MTUS1: variants seen among roughly 807,000 people sequenced by gnomAD.
The protein encoded by MTUS1 is microtubule-associated tumor suppressor 1.
MTUS1 carries 109 observed loss-of-function variants against 120.8 expected under a neutral mutation model. That is an observed-to-expected ratio of 0.90 (90% CI 0.77 to 1.06). The LOEUF (loss-of-function observed/expected upper bound fraction) is 1.06, where lower values mean the gene tolerates loss of function less well. MTUS1 is among the 50% of genes least tolerant of loss of function. The pLI, the probability that MTUS1 is intolerant of heterozygous loss-of-function variation, is 0.00. For missense variants in MTUS1, 2,210 were observed against 1,486.3 expected, an observed-to-expected ratio of 1.49 and a Z score of -8.01; for synonymous variants, 737 against 550.5, an observed-to-expected ratio of 1.34 and a Z score of -4.74.
intron 7 of MTUS1, among the ~76,000 whole-genome samples, chr8:17,679,283 AAAAC>A (rs1323937951): frequency 6.6e-6 from 1 of 152,072 alleles, no homozygotes; most frequent in African/African-American, 2.4e-5. Context: ...ATGTATATAA[AAAAC>A]ATACATAATG....
chr8:17,767,313 G>A (rs1051648385), intron 1 of MTUS1, among the ~76,000 whole-genome samples: 2 of 151,796 alleles, frequency 1.3e-5, no homozygotes, highest in Non-Finnish European at 2.9e-5. Flanking sequence ...TGATGATAAG[G>A]AATTTGGGGC....
At chr8:17,724,761 C>G (rs1200845294) in intron 3 of MTUS1, among the ~76,000 whole-genome samples, 1 of 152,192 alleles carries the variant, frequency 6.6e-6, no homozygotes, top group African/African-American at 2.4e-5. Context: ...AGTCTATTTT[C>G]TCTACTTTCC....
intron 7 of MTUS1, among the ~76,000 whole-genome samples, chr8:17,683,848 C>G (rs1203811069): frequency 6.6e-6 from 1 of 152,182 alleles, no homozygotes; most frequent in African/African-American, 2.4e-5. Context: ...TGTTGCACCA[C>G]AGAGATTGTT....
chr8:17,713,092 T>G, intron 6 of MTUS1, 122 bp downstream of exon 6: 1 of 813,460 alleles, frequency 1.2e-6, no homozygotes, highest in Non-Finnish European at 2.1e-6. Flanking sequence ...AAAGTTAGGT[T>G]TACACCTCAA....
rs1233433592 is a variant in MTUS1 at position 17,695,377 on chromosome 8, G to A, written c.2624-10835C>T. The stretch of plus-strand genomic sequence containing the variant: ...GTCCTATCTCTGGCACTTACTGTGT[G>A]CCTCTGGGCAAGCGAATTCACTTCT... On this transcript the variant is annotated intron_variant, in intron 6 of 14. Coordinates refer to ENST00000693296, the MANE Select transcript of MTUS1 (RefSeq NM_001363059.2). Among the ~76,000 whole-genome samples the A allele has an allele frequency of 2.0e-5, 3 of 152,214 alleles. No homozygotes were observed. The East Asian group carries it at 5.8e-4, about 29-fold the overall frequency.
At chr8:17,712,046 A>G (rs1585877281) in intron 6 of MTUS1, among the ~76,000 whole-genome samples, 2 of 152,166 alleles carry the variant, frequency 1.3e-5, no homozygotes, top group Admixed American at 6.5e-5. Context: ...GATCACCGTA[A>G]AAGATATAAT....
In MTUS1 at chr8:17,684,341, T is replaced by C. The variant is rs761481009; in HGVS notation, c.2825A>G (p.His942Arg). 3 of 1,613,784 alleles carry C rather than the reference T, an allele frequency of 1.9e-6. No individual in the cohort carries two copies. Among genetic ancestry groups the C allele is most frequent in the East Asian group, 4.5e-5 (2 of 44,882 alleles). ...GCACCTCCTTACCTCAGACAGCAGG[T>C]GCTGAATCACAACTGTCAATGCCTC... ...KFEALTVVIQ[H>R]LLSEREEALK... The change falls in exon 7 of 15, where the codon CAC becomes CGC. Residue 942 changes from histidine (H) to arginine (R), a missense_variant. His to Arg is a conservative substitution (Grantham distance 29). Transcript: ENST00000693296.
intron 1 of MTUS1, among the ~76,000 whole-genome samples, chr8:17,758,372 A>G (rs1442301757): frequency 1.3e-5 from 2 of 151,794 alleles, no homozygotes; most frequent in African/African-American, 4.8e-5. Flanking sequence ...ACATCCAAAA[A>G]GCGATTTTGA....
chr8:17,702,385 G>GT (rs1166488816), intron 6 of MTUS1, among the ~76,000 whole-genome samples: 6 of 151,668 alleles, frequency 4.0e-5, no homozygotes, highest in African/African-American at 1.2e-4. Flanking sequence ...TTTTTGTTTA[G>GT]TTTTTTTAAT....
rs748358746 is a variant in MTUS1 at position 17,754,919 on chromosome 8, C to A, written c.889G>T (p.Asp297Tyr). 3.1e-6 allele frequency: 5 copies of A among 1,614,040 alleles called. No homozygotes were observed. Among genetic ancestry groups the A allele is most frequent in the Non-Finnish European group, 4.2e-6 (5 of 1,180,004 alleles). Residue 297 changes from aspartate to tyrosine, a missense_variant, in exon 2 of 15, where the codon GAT becomes TAT. Asp to Tyr is a radical substitution (Grantham distance 160, BLOSUM62 -3). Transcript: ENST00000693296. ...GAATCATTGGGGACTTCCATGCCAT[C>A]AGAAACTGGTGTTAGTGCTTGTGTC... is the stretch of plus-strand genomic sequence containing the variant. ...KETQALTPVS[D>Y]GMEVPNDSAL...
intron 4 of MTUS1, among the ~76,000 whole-genome samples, chr8:17,718,915 A>G (rs973000138): frequency 1.3e-5 from 2 of 151,924 alleles, no homozygotes; most frequent in East Asian, 3.9e-4. Context: ...CACAACTGTA[A>G]TCACAGAACT....
At chr8:17,781,353 T>A (rs2050862293) in intron 1 of MTUS1, among the ~76,000 whole-genome samples, 1 of 152,228 alleles carries the variant, frequency 6.6e-6, no homozygotes. Context: ...GAATGTTAAA[T>A]AATCCTCCCC....
At chr8:17,717,023 G>C (rs1000583588) in intron 4 of MTUS1, among the ~76,000 whole-genome samples, 3 of 152,180 alleles carry the variant, frequency 2.0e-5, no homozygotes, top group Non-Finnish European at 2.9e-5. Flanking sequence ...TAAATGTGAA[G>C]ACAGCTAGAA....
chr8:17,717,343 G>GAC (rs1489077910), intron 4 of MTUS1, among the ~76,000 whole-genome samples: 1 of 152,136 alleles, frequency 6.6e-6, no homozygotes, highest in Non-Finnish European at 1.5e-5. Flanking sequence ...CAGTATTAAA[G>GAC]ACACCGCCAT....
intron 8 of MTUS1, among the ~76,000 whole-genome samples, chr8:17,662,349 ATTTTTTTTTTTT>A (rs35308070): frequency 8.9e-6 from 1 of 112,712 alleles, no homozygotes; most frequent in Non-Finnish European, 1.8e-5. Flanking sequence ...TTTTGTCCCT[ATTTTTTTTTTTT>A]TTTTTTTTTT....
At chr8:17,738,587 G>C (rs1368660986) in intron 3 of MTUS1, among the ~76,000 whole-genome samples, 2 of 152,056 alleles carry the variant, frequency 1.3e-5, no homozygotes, top group African/African-American at 4.8e-5. Flanking sequence ...TTAAGTTCCG[G>C]GGTACATGTG....
intron 1 of MTUS1, among the ~76,000 whole-genome samples, chr8:17,789,042 T>C (rs907339921): frequency 6.6e-6 from 1 of 151,442 alleles, no homozygotes; most frequent in Non-Finnish European, 1.5e-5. Flanking sequence ...TTGTCTTTTT[T>C]TTTTTTTGAG....
rs1303171953 is a variant in MTUS1, at chr8:17,645,067, TTA to T, written c.*857_*858del. ...TTTCTTTCTTTACACAGTTAGTTAG[TTA>T]GTTTGTTTTTTTATAGAAAAATTAG... On this transcript the variant is annotated 3_prime_UTR_variant, in exon 15 of 15. Transcript: ENST00000693296. 2.0e-5 allele frequency: 3 copies of T among 151,728 alleles called. No homozygotes were observed. Among genetic ancestry groups the T allele is most frequent in the Non-Finnish European group, 3.0e-5 (2 of 67,558 alleles). 9.4% of individuals were successfully genotyped at this position (151,728 alleles called of 1,614,324 possible). A position where few individuals can be genotyped will look rare whatever the true frequency, so the allele number is the denominator to read the frequency against.
chr8:17,794,880 A>G (rs1180844052), intron 1 of MTUS1, among the ~76,000 whole-genome samples: 1 of 152,196 alleles, frequency 6.6e-6, no homozygotes, highest in African/African-American at 2.4e-5. Context: ...TTCTATTTTC[A>G]TTCCGTAAAG....
Sources: gnomAD v4.1 joint callset for allele counts (sites outside exome capture counted in the v4.1 genomes callset) on GRCh38, gnomAD v4.1.1 for gene constraint, MANE v1.5 for transcripts, NCBI Gene and HGNC (gene_info 2026-07-23, HGNC 2026-07-21) for gene names.